The following TAC3 variants were observed in gnomAD, a reference collection of about 807,000 sequenced individuals.
TAC3 encodes the protein tachykinin-3.
A neutral mutation model predicts 16.5 loss-of-function variants in TAC3; 9 were observed. That is an observed-to-expected ratio of 0.55 (90% CI 0.33 to 0.95). TAC3 has a LOEUF of 0.95. Ranked by LOEUF, TAC3 falls within the 40% of genes least tolerant of loss-of-function variation. TAC3 has a pLI of 0.03. For missense variants in TAC3, 129 were observed against 149.1 expected (o/e 0.87, Z 0.70); for synonymous variants, 52 against 56.7 (o/e 0.92, Z 0.37).
In TAC3 at chr12:57,012,862, G is replaced by C. The variant is rs764101592; in HGVS notation, c.252C>G (p.Asp84Glu). 1 of 1,614,168 alleles carries C rather than the reference G, an allele frequency of 6.2e-7. No homozygotes were observed. The highest frequency in any genetic ancestry group is 2.2e-5 in the East Asian group (1 of 44,890). The stretch of plus-strand genomic sequence containing the variant: ...TCTTGCCCATAAGTCCCACAAAGAA[G>C]TCATGCATGTCACCTGCAGAAAAGG... ...STSPEKRDMHDFFVGLMGKRS... is the reference protein window; with the variant it reads ...STSPEKRDMHEFFVGLMGKRS... Residue 84 changes from aspartate to glutamate, a missense_variant, in exon 5 of 7, where the codon GAC (aspartate) becomes GAG (glutamate). Transcript: ENST00000458521.
At chr12:57,016,324 T>C (rs1956374116) in intron 1 of TAC3, 63 bp downstream of exon 1, 1 of 388,168 alleles carries the variant, frequency 2.6e-6, no homozygotes, top group Non-Finnish European at 5.3e-6. Flanking sequence ...TATTCCCTCC[T>C]GACGCTGGCT....
At chr12:57,011,641 C>A (rs1318300701) in intron 6 of TAC3, among the ~76,000 whole-genome samples, 1 of 152,208 alleles carries the variant, frequency 6.6e-6, no homozygotes, top group East Asian at 1.9e-4. Context: ...CAGCACTGTG[C>A]ACCCGGCACT....
chr12:57,016,462 C>G lies in TAC3; in HGVS notation c.-81G>C, dbSNP rs1565635233. The G allele has an allele frequency of 4.4e-6, 2 of 454,496 alleles. No homozygotes were observed. Among genetic ancestry groups the G allele is most frequent in the Non-Finnish European group, 8.8e-6 (2 of 226,788 alleles). The allele number at this position is 454,496 out of a possible 1,614,324, so 28.2% of individuals were successfully genotyped here. ...ACTGGCTAGGACCGCTGCCTGCTCC[C>G]CTCACACACTGGTGCTGCCGGTGCT... On this transcript the variant is annotated 5_prime_UTR_variant, in exon 1 of 7. Coordinates refer to ENST00000458521, the MANE Select transcript of TAC3 (RefSeq NM_013251.4).
chr12:57,010,301 A>G lies in TAC3; in HGVS notation c.*2-13T>C. The G allele has an allele frequency of 2.5e-6, 1 of 398,094 alleles. No individual in the cohort carries two copies. Among genetic ancestry groups the G allele is most frequent in the Non-Finnish European group, 5.0e-6 (1 of 201,574 alleles). The allele number at this position is 398,094 out of a possible 1,614,324, so 24.7% of individuals were successfully genotyped here. On this transcript the variant is annotated splice_polypyrimidine_tract_variant and intron_variant, in intron 6 of 6. Transcript: ENST00000458521. Reference sequence around the variant, plus strand: ...CGGAAGTGGAGTACTGAGGACAAAAAACAAAACAAAACAAAAAAAAACACT... The same window carrying G: ...CGGAAGTGGAGTACTGAGGACAAAAGACAAAACAAAACAAAAAAAAACACT...
chr12:57,011,846 A>C (rs1956302177), intron 6 of TAC3, among the ~76,000 whole-genome samples: 1 of 152,200 alleles, frequency 6.6e-6, no homozygotes, highest in Non-Finnish European at 1.5e-5. Context: ...AGAGAGATTC[A>C]GATATGGTTT....
chr12:57,012,337 CT>C, intron 6 of TAC3, 40 bp downstream of exon 6: 1 of 1,573,250 alleles, frequency 6.4e-7, no homozygotes. Flanking sequence ...CCACAGCCCC[CT>C]CCCCAGTCCC....
chr12:57,012,141 C>T (rs1956306773), intron 6 of TAC3: 2 of 553,250 alleles, frequency 3.6e-6, no homozygotes, highest in Non-Finnish European at 3.3e-6. Flanking sequence ...CACTCCTGCT[C>T]AATAGTCAGC....
chr12:57,015,577 C>T (rs1431987888), intron 2 of TAC3, 107 bp downstream of exon 2: 1 of 941,604 alleles, frequency 1.1e-6, no homozygotes, highest in East Asian at 2.5e-5. Flanking sequence ...GGCAAAATGC[C>T]CTCTGACGGA....
intron 5 of TAC3, 61 bp downstream of exon 5, chr12:57,012,761 G>A (rs373199633): frequency 2.2e-5 from 36 of 1,613,722 alleles, no homozygotes; most frequent in Non-Finnish European, 2.9e-5. Flanking sequence ...TGAGGCACGT[G>A]ACTTCTGTCA....
intron 4 of TAC3, 92 bp downstream of exon 4, chr12:57,013,267 A>G: frequency 6.1e-6 from 9 of 1,473,676 alleles, no homozygotes; most frequent in Non-Finnish European, 6.6e-6. Flanking sequence ...GTACCAGGTG[A>G]GAAGGGGCTG....
Position 57,012,389 on chromosome 12 carries a change from C to G in TAC3, c.356G>C (p.Arg119Thr), listed in dbSNP as rs1435990097. Residue 119 changes from arginine to threonine, a missense_variant, in exon 6 of 7, where the codon AGA becomes ACA. Coordinates refer to ENST00000458521, the MANE Select transcript of TAC3 (RefSeq NM_013251.4). The part of the protein sequence containing the change: ...PSFGILKYPP[R>T]AE ...TGAACAATCCTTACCCTATTCTGCTCTCGGGGGATACTTGAGGATGCCAAA... is the reference window on the plus strand; with the variant it reads ...TGAACAATCCTTACCCTATTCTGCTGTCGGGGGATACTTGAGGATGCCAAA... 4 of 1,612,934 alleles carry G rather than the reference C, an allele frequency of 2.5e-6. No individual in the cohort carries two copies. The highest frequency in any genetic ancestry group is 3.4e-6 in the Non-Finnish European group (4 of 1,179,598).
At position 57,013,231 on chromosome 12, in the gene TAC3, G is replaced by A. The variant is rs533569485; in HGVS notation, c.238+128C>T. ...CTCTCCCTTTCAGGAAAGGTTGGCT[G>A]AGCAGTGGGAGCTGGCATATTGTTT... On this transcript the variant is annotated intron_variant, in intron 4 of 6. Transcript: ENST00000458521. 1.1e-5 allele frequency: 13 copies of A among 1,224,908 alleles called. No individual in the cohort carries two copies. In the African/African-American group the frequency reaches 1.8e-4, roughly 17 times the overall value. 75.9% of individuals were successfully genotyped at this position (1,224,908 alleles called of 1,614,324 possible). A position where few individuals can be genotyped will look rare whatever the true frequency, so the allele number is the denominator to read the frequency against.
Position 57,015,818 on chromosome 12 carries a change from G to T in TAC3, c.-5-16C>A. On this transcript the variant is annotated splice_polypyrimidine_tract_variant and intron_variant, in intron 1 of 6. Coordinates refer to ENST00000458521, the MANE Select transcript of TAC3 (RefSeq NM_013251.4). ...CTCATGGTGCCTGGGAGAGCAAAGGGACAGGACTCAGGTAAAGGAGAGAAG... is the reference window on the plus strand; with the variant it reads ...CTCATGGTGCCTGGGAGAGCAAAGGTACAGGACTCAGGTAAAGGAGAGAAG... 2 of 1,601,438 alleles carry T rather than the reference G, an allele frequency of 1.2e-6. No homozygotes were observed. The highest frequency in any genetic ancestry group is 2.2e-5 in the South Asian group (2 of 90,756).
At chr12:57,012,560 T>C in intron 5 of TAC3, 108 bp from the exon 6 acceptor site, 10 of 1,603,954 alleles carry the variant, frequency 6.2e-6, no homozygotes, top group Non-Finnish European at 8.5e-6. Flanking sequence ...AAAGACAGAG[T>C]TGGGAGACTG....
At position 57,013,353 on chromosome 12, in the gene TAC3, A is replaced by G; in HGVS notation, c.238+6T>C. Reference sequence around the variant, plus strand: ...AAGAGATAGGGAGGGAGAAGAGGGTACTTACGTTTCTCGGGAGATGTTGAT... The same window carrying G: ...AAGAGATAGGGAGGGAGAAGAGGGTGCTTACGTTTCTCGGGAGATGTTGAT... On this transcript the variant is annotated splice_donor_region_variant and intron_variant, in intron 4 of 6. Coordinates refer to ENST00000458521, the MANE Select transcript of TAC3 (RefSeq NM_013251.4). 1 of 1,614,006 alleles carries G rather than the reference A, an allele frequency of 6.2e-7. No homozygotes were observed. Among genetic ancestry groups the G allele is most frequent in the Non-Finnish European group, 8.5e-7 (1 of 1,179,880 alleles).
At position 57,015,950 on chromosome 12, in the gene TAC3, G is replaced by T. The variant is rs200244917; in HGVS notation, c.-5-148C>A. 152 of 721,062 alleles carry T rather than the reference G, an allele frequency of 2.1e-4. 1 individual carries two copies. In the East Asian group the frequency reaches 4.0e-3, roughly 19 times the overall value. The allele number at this position is 721,062 out of a possible 1,614,324, so 44.7% of individuals were successfully genotyped here. ...TCCACTGTCCAAGCCCTGGTCTGGA[G>T]AGAGGGTGGAAAGTATTTCTGAGAA... On this transcript the variant is annotated intron_variant, in intron 1 of 6. Coordinates refer to ENST00000458521, the MANE Select transcript of TAC3 (RefSeq NM_013251.4).
At chr12:57,013,168 A>G (rs1388304372) in intron 4 of TAC3, 191 bp downstream of exon 4, 2 of 768,388 alleles carry the variant, frequency 2.6e-6, no homozygotes, top group South Asian at 3.3e-5. Context: ...AGAGCCCACC[A>G]TGCCCCTCAC....
Position 57,013,341 on chromosome 12 carries a change from G to A in TAC3, c.238+18C>T, listed in dbSNP as rs371089803. ...TGGGCAAGTGGCAAGAGATAGGGAG[G>A]GAGAAGAGGGTACTTACGTTTCTCG... On this transcript the variant is annotated intron_variant, in intron 4 of 6. Transcript: ENST00000458521. The A allele has an allele frequency of 8.1e-6, 13 of 1,613,832 alleles. No homozygotes were observed. The African/African-American group carries it at 1.5e-4, about 18-fold the overall frequency.
At position 57,013,116 on chromosome 12, in the gene TAC3, C is replaced by T. The variant is rs528980178; in HGVS notation, c.239-241G>A. On this transcript the variant is annotated intron_variant, in intron 4 of 6. Transcript: ENST00000458521. ...GCCTGATTTGGAATTTTCAGGGCCA[C>T]GAAGAGATCCCCTTGTTTTCCAAGG... is the stretch of plus-strand genomic sequence containing the variant. 218 of 718,052 alleles carry T rather than the reference C, an allele frequency of 3.0e-4. 2 individuals are homozygous for T. The South Asian group carries it at 3.4e-3, about 11-fold the overall frequency. The allele number at this position is 718,052 out of a possible 1,614,324, so 44.5% of individuals were successfully genotyped here.
Sources: gnomAD v4.1 joint callset for allele counts (sites outside exome capture counted in the v4.1 genomes callset) on GRCh38, gnomAD v4.1.1 for gene constraint, MANE v1.5 for transcripts, NCBI Gene and HGNC (gene_info 2026-07-23, HGNC 2026-07-21) for gene names.